The following P2RY8 variants were observed in gnomAD, a reference collection of about 807,000 sequenced individuals.
The protein encoded by P2RY8 is P2Y receptor family member 8, also known as S-geranylgeranyl-glutathione receptor P2RY8.
P2RY8 carries 6 observed loss-of-function variants against 10.0 expected under a neutral mutation model. The ratio of observed to expected loss-of-function variants is 0.60; its 90% CI spans 0.33 to 1.19. The LOEUF (loss-of-function observed/expected upper bound fraction) is 1.19, where lower values mean the gene tolerates loss of function less well. P2RY8 is among the 50% of genes most tolerant of loss of function. The pLI is 0.04. For missense variants in P2RY8, 456 were observed against 542.0 expected (o/e 0.84, Z 1.58); for synonymous variants, 276 against 252.5 (o/e 1.09, Z -0.88).
At position 1,478,272 on chromosome X, in the gene P2RY8, T is replaced by TGTGTGTGTGTGTGTGC. The variant is rs1318193075; in HGVS notation, c.-24-11691_-24-11690insGCACACACACACACAC. On this transcript the variant is annotated intron_variant, in intron 1 of 1. Transcript: ENST00000381297. ...GTATGTGTGTGTGTGTGTGTGTGTG[T>TGTGTGTGTGTGTGTGC]GCCCAGCAGGGAAGCAGAAATTATT... is the stretch of plus-strand genomic sequence containing the variant. Among the ~76,000 whole-genome samples, 854 of 103,994 alleles carry TGTGTGTGTGTGTGTGC rather than the reference T, an allele frequency of 8.2e-3. 10 individuals carry two copies. Among genetic ancestry groups the TGTGTGTGTGTGTGTGC allele is most frequent in the Middle Eastern group, 0.029 (5 of 170 alleles). 68.2% of individuals were successfully genotyped at this position (103,994 alleles called of 152,430 possible).
At position 1,462,868 on chromosome X, in the gene P2RY8, A is replaced by G; in HGVS notation, c.*2611T>C. On this transcript the variant is annotated 3_prime_UTR_variant, in exon 2 of 2. Coordinates refer to ENST00000381297, the MANE Select transcript of P2RY8 (RefSeq NM_178129.5). ...AGACCTGTGTTATCTTTTCACTCAAAGCTCAACCAGTGAACAGACTGAGTC... is the reference window on the plus strand; with the variant it reads ...AGACCTGTGTTATCTTTTCACTCAAGGCTCAACCAGTGAACAGACTGAGTC... 4.3e-6 allele frequency: 1 copy of G among 233,030 alleles called. No individual in the cohort carries two copies. The highest frequency in any genetic ancestry group is 8.5e-6 in the Non-Finnish European group (1 of 117,950). The allele number at this position is 233,030 out of a possible 1,614,324, so 14.4% of individuals were successfully genotyped here.
intron 1 of P2RY8, among the ~76,000 whole-genome samples, chrX:1,471,383 C>T (rs2091784885): frequency 7.7e-6 from 1 of 130,686 alleles, no homozygotes; most frequent in South Asian, 2.6e-4. Flanking sequence ...TGGTCTCAAA[C>T]TCCTGACCTC....
chrX:1,522,100 G>GCC (rs2092397170), intron 1 of P2RY8, among the ~76,000 whole-genome samples: 8 of 151,288 alleles, frequency 5.3e-5, no homozygotes, highest in African/African-American at 1.9e-4. Flanking sequence ...TTACAGGCAT[G>GCC]CACCACCATG....
At chrX:1,503,742 A>G (rs2092202210) in intron 1 of P2RY8, among the ~76,000 whole-genome samples, 1 of 152,034 alleles carries the variant, frequency 6.6e-6, no homozygotes, top group African/African-American at 2.4e-5. Flanking sequence ...TAAAAATACA[A>G]AAATTAGCTG....
At chrX:1,485,683 CTTATT>C (rs1167407887) in intron 1 of P2RY8, among the ~76,000 whole-genome samples, 31 of 146,496 alleles carry the variant, frequency 2.1e-4, no homozygotes, top group South Asian at 8.5e-4. Context: ...TTATTTACAA[CTTATT>C]TTATTATAAA....
chrX:1,524,644 TA>T (rs2092423240), intron 1 of P2RY8, among the ~76,000 whole-genome samples: 1 of 43,806 alleles, frequency 2.3e-5, no homozygotes, highest in South Asian at 1.0e-3. Flanking sequence ...CATCCATCCA[TA>T]CATCCATCCA....
At chrX:1,507,689 T>A (rs1344973570) in intron 1 of P2RY8, among the ~76,000 whole-genome samples, 15 of 152,158 alleles carry the variant, frequency 9.9e-5, no homozygotes, top group Non-Finnish European at 1.8e-4. Context: ...CCCCCCTGCC[T>A]GACTTCCCAT....
intron 1 of P2RY8, among the ~76,000 whole-genome samples, chrX:1,514,919 C>T (rs1435893420): frequency 7.9e-6 from 1 of 126,220 alleles, no homozygotes; most frequent in Non-Finnish European, 1.7e-5. Flanking sequence ...CCTTCCCTTC[C>T]CTTTGACAGA....
chrX:1,485,262 C>T (rs754988726), intron 1 of P2RY8, among the ~76,000 whole-genome samples: 11 of 152,078 alleles, frequency 7.2e-5, no homozygotes, highest in South Asian at 2.1e-4. Context: ...CTCAGCCTCC[C>T]GAGTAGCTGG....
At chrX:1,506,716 C>T (rs1168162873) in intron 1 of P2RY8, among the ~76,000 whole-genome samples, 4 of 150,692 alleles carry the variant, frequency 2.7e-5, no homozygotes, top group Non-Finnish European at 5.9e-5. Flanking sequence ...CTTGCTCTGT[C>T]GCCCAGGCTG....
In P2RY8 at chrX:1,524,481, T is replaced by G. The variant is rs1293638233; in HGVS notation, c.-25+12440A>C. Among the ~76,000 whole-genome samples the G allele has an allele frequency of 4.2e-3, 339 of 80,842 alleles. 56 individuals are homozygous for G. The highest frequency in any genetic ancestry group is 0.015 in the African/African-American group (304 of 19,718). The allele number at this position is 80,842 out of a possible 152,430, so 53.0% of individuals were successfully genotyped here. On this transcript the variant is annotated intron_variant, in intron 1 of 1. Transcript: ENST00000381297. ...TCCATCCATCCATCCATTCATCCAC[T>G]CATCCATCCATACATCCACGCATCC...
chrX:1,532,524 G>GTA lies in P2RY8; in HGVS notation c.-25+4395_-25+4396dup, dbSNP rs758035830. ...ATATATGTATAGATGTATATGATGT[G>GTA]TATATATATATACATATACTTATGA... On this transcript the variant is annotated intron_variant, in intron 1 of 1. Coordinates refer to ENST00000381297, the MANE Select transcript of P2RY8 (RefSeq NM_178129.5). Among the ~76,000 whole-genome samples the GTA allele has an allele frequency of 2.0e-4, 30 of 148,324 alleles. 1 individual carries two copies. Among genetic ancestry groups the GTA allele is most frequent in the Non-Finnish European group, 3.0e-4 (20 of 67,188 alleles).
At chrX:1,468,749 C>CCT (rs1415759589) in intron 1 of P2RY8, among the ~76,000 whole-genome samples, 1 of 294 alleles carries the variant, frequency 3.4e-3, no homozygotes, top group African/African-American at 0.01. Context: ...TCTCTCCTCT[C>CCT]TCCCCTCTCC....
intron 1 of P2RY8, among the ~76,000 whole-genome samples, chrX:1,472,444 A>T (rs1449090159): frequency 1.8e-5 from 2 of 112,842 alleles, no homozygotes; most frequent in Non-Finnish European, 3.6e-5. Context: ...GGATGGATGG[A>T]TGGGTGGGTG....
chrX:1,466,667 C>T (rs1459771079), intron 1 of P2RY8, 85 bp from the exon 2 acceptor site: 24 of 1,340,996 alleles, frequency 1.8e-5, no homozygotes, highest in East Asian at 7.0e-5. Context: ...CGCCGCTCCC[C>T]GGGGACCAAG....
rs2091617184 is a variant in P2RY8, at chrX:1,463,506, G to A, written c.*1973C>T. On this transcript the variant is annotated 3_prime_UTR_variant, in exon 2 of 2. Coordinates refer to ENST00000381297, the MANE Select transcript of P2RY8 (RefSeq NM_178129.5). Reference sequence around the variant, plus strand: ...GTCTGTGTCTCCTCTTCTGTCTCTTGGAAGGACACCTGTCATGGCATTTAG... The same window carrying A: ...GTCTGTGTCTCCTCTTCTGTCTCTTAGAAGGACACCTGTCATGGCATTTAG... 4.4e-6 allele frequency: 1 copy of A among 225,794 alleles called. No homozygotes were observed. The highest frequency in any genetic ancestry group is 1.9e-4 in the South Asian group (1 of 5,366). 14.0% of individuals were successfully genotyped at this position (225,794 alleles called of 1,614,324 possible).
At chrX:1,509,835 A>G (rs867767305) in intron 1 of P2RY8, among the ~76,000 whole-genome samples, 1 of 143,116 alleles carries the variant, frequency 7.0e-6, no homozygotes, top group Admixed American at 7.0e-5. Flanking sequence ...CTATCTATCT[A>G]TCTCTATTAT....
intron 1 of P2RY8, among the ~76,000 whole-genome samples, chrX:1,488,685 T>C (rs1335162294): frequency 2.0e-5 from 3 of 152,066 alleles, no homozygotes; most frequent in African/African-American, 7.2e-5. Flanking sequence ...TTGGGTCTGC[T>C]GTCCTTAGCT....
chrX:1,522,364 TACCTC>T (rs2092399437), intron 1 of P2RY8, among the ~76,000 whole-genome samples: 1 of 152,266 alleles, frequency 6.6e-6, no homozygotes, highest in East Asian at 1.9e-4. Context: ...GTGCAGCCAA[TACCTC>T]GATGTAGTTT....
Sources: gnomAD v4.1 joint callset for allele counts (sites outside exome capture counted in the v4.1 genomes callset) on GRCh38, gnomAD v4.1.1 for gene constraint, MANE v1.5 for transcripts, NCBI Gene and HGNC (gene_info 2026-07-23, HGNC 2026-07-21) for gene names.